PKP4: variants seen among roughly 807,000 people sequenced by gnomAD.
PKP4 encodes the protein plakophilin-4.
Under a neutral mutation model 145.1 loss-of-function variants are expected in PKP4, and 90 were observed. That is an observed-to-expected ratio of 0.62 (90% confidence interval 0.52 to 0.74). The LOEUF (loss-of-function observed/expected upper bound fraction) is 0.74, where lower values mean the gene tolerates loss of function less well. PKP4 is among the 30% of genes least tolerant of loss of function. The pLI is 0.00. For missense variants in PKP4, 1,340 were observed against 1,482.7 expected (o/e 0.90, Z 1.58); for synonymous variants, 563 against 577.2 (o/e 0.98, Z 0.35).
intron 1 of PKP4, among the ~76,000 whole-genome samples, chr2:158,474,839 T>G (rs1009723374): frequency 2.0e-5 from 3 of 152,214 alleles, no homozygotes; most frequent in Non-Finnish European, 2.9e-5. Flanking sequence ...GAGGTCCATG[T>G]AGAAGAGCCC....
chr2:158,617,576 T>G (rs1274458159), intron 4 of PKP4, among the ~76,000 whole-genome samples: 1 of 152,182 alleles, frequency 6.6e-6, no homozygotes, highest in African/African-American at 2.4e-5. Flanking sequence ...TTTTTAAAAT[T>G]CATTCATCTT....
At chr2:158,628,109 T>C (rs1297534313) in intron 7 of PKP4, among the ~76,000 whole-genome samples, 1 of 151,768 alleles carries the variant, frequency 6.6e-6, no homozygotes, top group Non-Finnish European at 1.5e-5. Flanking sequence ...GCCTCCCGAG[T>C]AGCTGGGACT....
Position 158,616,823 on chromosome 2 carries a change from T to G in PKP4, c.281-4167T>G, listed in dbSNP as rs72940704. Among the ~76,000 whole-genome samples, 4 of 152,244 alleles carry G rather than the reference T, an allele frequency of 2.6e-5. No individual in the cohort carries two copies. The East Asian group carries it at 5.8e-4, about 22-fold the overall frequency. On this transcript the variant is annotated intron_variant, in intron 4 of 21. Coordinates refer to ENST00000389759, the MANE Select transcript of PKP4 (RefSeq NM_003628.6). ...GTGATTTTACACACACTACAGACCC[T>G]GTTTCGTACAGCAAGACATAGACTA...
chr2:158,613,623 A>G (rs1216459803), intron 4 of PKP4, among the ~76,000 whole-genome samples: 1 of 152,194 alleles, frequency 6.6e-6, no homozygotes, highest in Non-Finnish European at 1.5e-5. Context: ...ATTGCATTGT[A>G]CAACCAAGGC....
chr2:158,607,671 T>G (rs2050767229), intron 4 of PKP4, among the ~76,000 whole-genome samples: 1 of 152,150 alleles, frequency 6.6e-6, no homozygotes, highest in South Asian at 2.1e-4. Context: ...AGAAATACCC[T>G]GATTTCCCCA....
chr2:158,462,275 A>G (rs1689886667), intron 1 of PKP4, among the ~76,000 whole-genome samples: 2 of 152,292 alleles, frequency 1.3e-5, no homozygotes, highest in South Asian at 4.1e-4. Flanking sequence ...TTTGGATGAT[A>G]GCTTCCTCCT....
chr2:158,522,073 C>G (rs1338041239), intron 1 of PKP4, among the ~76,000 whole-genome samples: 2 of 152,080 alleles, frequency 1.3e-5, no homozygotes, highest in Non-Finnish European at 2.9e-5. Context: ...ATGTTATATT[C>G]CAGACAGCTA....
chr2:158,640,661 G>T lies in PKP4; in HGVS notation c.1597G>T (p.Val533Phe), dbSNP rs201489438. ...CTGGCGTGATCCTGAGTTGCCTGAGGTCATTCACATGCTTCAGCACCAGTT... is the reference window on the plus strand; with the variant it reads ...CTGGCGTGATCCTGAGTTGCCTGAGTTCATTCACATGCTTCAGCACCAGTT... The part of the protein sequence containing the change: ...FAWRDPELPE[V>F]IHMLQHQFPS... The change falls in exon 10 of 22, where the codon GTC becomes TTC. Residue 533 changes from valine (V) to phenylalanine (F), a missense_variant. Coordinates refer to ENST00000389759, the MANE Select transcript of PKP4 (RefSeq NM_003628.6). The T allele has an allele frequency of 6.2e-7, 1 of 1,613,830 alleles. No homozygotes were observed. The highest frequency in any genetic ancestry group is 2.2e-5 in the East Asian group (1 of 44,862).
At position 158,642,643 on chromosome 2, in the gene PKP4, C is replaced by T; in HGVS notation, c.1853C>T (p.Ala618Val). 1.2e-6 allele frequency: 2 copies of T among 1,612,200 alleles called. No homozygotes were observed. Among genetic ancestry groups the T allele is most frequent in the Non-Finnish European group, 1.7e-6 (2 of 1,178,706 alleles). The stretch of plus-strand genomic sequence containing the variant: ...ATGAAGAATGTTGGTGGGATACCTG[C>T]CTTGTTGCGACTGTTGAGAAAATCT... ...IAMKNVGGIP[A>V]LLRLLRKSID... The change falls in exon 11 of 22, where the codon GCC (alanine) becomes GTC (valine). Residue 618 changes from alanine (A) to valine (V), a missense_variant. Ala to Val is a moderately conservative substitution (Grantham distance 64). Coordinates refer to ENST00000389759, the MANE Select transcript of PKP4 (RefSeq NM_003628.6).
chr2:158,677,978 A>G (rs905923750), intron 20 of PKP4, among the ~76,000 whole-genome samples: 2 of 152,252 alleles, frequency 1.3e-5, no homozygotes, highest in African/African-American at 2.4e-5. Flanking sequence ...ATGGAAGGGT[A>G]ACATCATCAG....
intron 16 of PKP4, among the ~76,000 whole-genome samples, chr2:158,668,339 C>T (rs918861757): frequency 1.3e-5 from 2 of 152,112 alleles, no homozygotes; most frequent in East Asian, 3.9e-4. Flanking sequence ...CTTCTCTGAC[C>T]TCTTCCCTCT....
chr2:158,478,578 G>A (rs939796195), intron 1 of PKP4, among the ~76,000 whole-genome samples: 2 of 152,170 alleles, frequency 1.3e-5, no homozygotes, highest in Admixed American at 6.5e-5. Context: ...TGGATAGATC[G>A]CCTAAGTTAT....
chr2:158,609,879 A>T (rs1220787867), intron 4 of PKP4, among the ~76,000 whole-genome samples: 2 of 152,206 alleles, frequency 1.3e-5, no homozygotes, highest in Non-Finnish European at 2.9e-5. Context: ...AGGGTAGGAC[A>T]TTTGAAAACA....
At chr2:158,529,349 C>G (rs1441350613) in intron 1 of PKP4, among the ~76,000 whole-genome samples, 1 of 152,206 alleles carries the variant, frequency 6.6e-6, no homozygotes, top group Non-Finnish European at 1.5e-5. Flanking sequence ...TTCTCTTCTT[C>G]AGGTCAAACT....
At chr2:158,512,035 A>G (rs2041564507) in intron 1 of PKP4, among the ~76,000 whole-genome samples, 1 of 152,192 alleles carries the variant, frequency 6.6e-6, no homozygotes, top group Non-Finnish European at 1.5e-5. Flanking sequence ...CTTAGAGCAT[A>G]TTTGAAGATA....
chr2:158,613,852 A>G lies in PKP4; in HGVS notation c.281-7138A>G, dbSNP rs569751197. On this transcript the variant is annotated intron_variant, in intron 4 of 21. Coordinates refer to ENST00000389759, the MANE Select transcript of PKP4 (RefSeq NM_003628.6). ...TTAAAGAAATAGTGTATTTAGAGGA[A>G]TAAGTAAATGACATGAGAAAACCAT... Among the ~76,000 whole-genome samples, 76 of 152,350 alleles carry G rather than the reference A, an allele frequency of 5.0e-4. 2 individuals carry two copies. In the South Asian group the frequency reaches 7.9e-3, roughly 16 times the overall value.
At chr2:158,459,109 T>C (rs1689366702) in intron 1 of PKP4, among the ~76,000 whole-genome samples, 1 of 152,216 alleles carries the variant, frequency 6.6e-6, no homozygotes, top group Non-Finnish European at 1.5e-5. Flanking sequence ...TTTTTATTTT[T>C]AAAGAGAAAC....
chr2:158,533,498 C>A lies in PKP4; in HGVS notation c.132+182C>A, dbSNP rs1278747860. ...ATGTAGAGCCGCTCCAGGTGCCAGTCAGAATCGGAACATGCAGGATACTTG... is the reference window on the plus strand; with the variant it reads ...ATGTAGAGCCGCTCCAGGTGCCAGTAAGAATCGGAACATGCAGGATACTTG... On this transcript the variant is annotated intron_variant, in intron 2 of 21. Coordinates refer to ENST00000389759, the MANE Select transcript of PKP4 (RefSeq NM_003628.6). The A allele has an allele frequency of 9.9e-6, 7 of 709,112 alleles. No individual in the cohort carries two copies. The East Asian group carries it at 2.0e-4, about 21-fold the overall frequency. The allele number at this position is 709,112 out of a possible 1,614,324, so 43.9% of individuals were successfully genotyped here. A position where few individuals can be genotyped will look rare whatever the true frequency, so the allele number is the denominator to read the frequency against.
At chr2:158,633,209 C>G (rs921391145) in intron 8 of PKP4, among the ~76,000 whole-genome samples, 4 of 152,218 alleles carry the variant, frequency 2.6e-5, no homozygotes, top group African/African-American at 7.2e-5. Context: ...GCAGATGGTA[C>G]TGAACCCTGT....
Sources: gnomAD v4.1 joint callset for allele counts (sites outside exome capture counted in the v4.1 genomes callset) on GRCh38, gnomAD v4.1.1 for gene constraint, MANE v1.5 for transcripts, NCBI Gene and HGNC (gene_info 2026-07-23, HGNC 2026-07-21) for gene names.